The following DLGAP1 variants were observed in gnomAD, a reference collection of about 807,000 sequenced individuals.
DLGAP1 encodes DLG associated protein 1.
In DLGAP1, 11 loss-of-function variants were observed where a neutral mutation model predicts 90.8. The observed-to-expected ratio is 0.12, with a 90% CI of 0.08 to 0.20. DLGAP1 has a LOEUF of 0.20. Among genes scored for constraint, DLGAP1 ranks in the 10% least tolerant of loss-of-function variants. DLGAP1 has a pLI of 1.00. For synonymous variants in DLGAP1, 558 were observed against 540.7 expected (o/e 1.03, Z -0.44); for missense variants, 1,050 against 1,333.8 (o/e 0.79, Z 3.31).
At chr18:4,360,649 A>T (rs1182777541) in intron 1 of DLGAP1, among the ~76,000 whole-genome samples, 1 of 152,186 alleles carries the variant, frequency 6.6e-6, no homozygotes, top group Non-Finnish European at 1.5e-5. Context: ...AGTGAAAAGG[A>T]ACAGAGAATG....
intron 4 of DLGAP1, among the ~76,000 whole-genome samples, chr18:3,860,856 A>G (rs1267444054): frequency 6.6e-6 from 1 of 152,226 alleles, no homozygotes; most frequent in Non-Finnish European, 1.5e-5. Flanking sequence ...CTCTCCCGTT[A>G]TACTCCCATA....
At chr18:3,505,957 C>G (rs1363537039) in intron 11 of DLGAP1, among the ~76,000 whole-genome samples, 1 of 152,130 alleles carries the variant, frequency 6.6e-6, no homozygotes, top group Non-Finnish European at 1.5e-5. Flanking sequence ...AATTTTTGGG[C>G]CAGGTGCGGT....
chr18:4,149,184 A>G (rs2076632862), intron 2 of DLGAP1, among the ~76,000 whole-genome samples: 1 of 152,190 alleles, frequency 6.6e-6, no homozygotes, highest in African/African-American at 2.4e-5. Context: ...CTATTCCAAC[A>G]TGTTGGTCAT....
chr18:4,210,885 C>T (rs1014765125), intron 1 of DLGAP1, among the ~76,000 whole-genome samples: 4 of 152,036 alleles, frequency 2.6e-5, no homozygotes, highest in Non-Finnish European at 5.9e-5. Context: ...AAGCTGAAGC[C>T]CAGGAGAGGT....
At chr18:4,174,690 G>T (rs2077077860) in intron 1 of DLGAP1, among the ~76,000 whole-genome samples, 1 of 152,052 alleles carries the variant, frequency 6.6e-6, no homozygotes, top group African/African-American at 2.4e-5. Flanking sequence ...AGAACATGCT[G>T]GTTTGTTACA....
intron 7 of DLGAP1, among the ~76,000 whole-genome samples, chr18:3,724,295 C>T (rs1229941843): frequency 6.6e-6 from 1 of 152,132 alleles, no homozygotes; most frequent in African/African-American, 2.4e-5. Context: ...AATCACACCA[C>T]TGCACTGCAG....
chr18:3,665,091 G>T (rs1306578102), intron 7 of DLGAP1, among the ~76,000 whole-genome samples: 1 of 152,114 alleles, frequency 6.6e-6, no homozygotes, highest in African/African-American at 2.4e-5. Context: ...TGGGTGTGTG[G>T]GCGCAGGAAT....
intron 2 of DLGAP1, among the ~76,000 whole-genome samples, chr18:4,088,129 A>G (rs1056735548): frequency 2.2e-5 from 3 of 136,918 alleles, no homozygotes; most frequent in Non-Finnish European, 3.2e-5. Context: ...ATTTTAAATT[A>G]AATTAAATTT....
intron 1 of DLGAP1, among the ~76,000 whole-genome samples, chr18:4,399,989 TA>T (rs903217788): frequency 6.6e-6 from 1 of 151,576 alleles, no homozygotes; most frequent in African/African-American, 2.4e-5. Context: ...AAGCCCTAAA[TA>T]AAAAAAAGTA....
chr18:3,683,841 T>A (rs2060606396), intron 7 of DLGAP1, among the ~76,000 whole-genome samples: 1 of 152,192 alleles, frequency 6.6e-6, no homozygotes, highest in African/African-American at 2.4e-5. Context: ...GATCTCTTAC[T>A]AGAGGTATGT....
chr18:4,333,767 C>G (rs1198186358), intron 1 of DLGAP1, among the ~76,000 whole-genome samples: 1 of 151,050 alleles, frequency 6.6e-6, no homozygotes, highest in Non-Finnish European at 1.5e-5. Flanking sequence ...CTACAGGCGC[C>G]CACCACCACG....
rs141201074 is a variant in DLGAP1, at chr18:3,909,320, T to C, written c.-72-29180A>G. Among the ~76,000 whole-genome samples the C allele has an allele frequency of 3.1e-3, 466 of 152,224 alleles. 3 individuals are homozygous for C. Among genetic ancestry groups the C allele is most frequent in the African/African-American group, 0.01 (434 of 41,536 alleles). The stretch of plus-strand genomic sequence containing the variant: ...AAGTTCCCTTATTCAAGACTCAAGA[T>C]CCCAAAAACAAAGTGGTTAAAGTTA... On this transcript the variant is annotated intron_variant, in intron 3 of 12. Coordinates refer to ENST00000315677, the MANE Select transcript of DLGAP1 (RefSeq NM_004746.4).
At chr18:3,774,308 A>G (rs2064838387) in intron 5 of DLGAP1, 1 of 152,330 alleles carries the variant, frequency 6.6e-6, no homozygotes, top group South Asian at 2.1e-4. Context: ...TGTAATGGTC[A>G]GTGACGGCAG....
intron 7 of DLGAP1, among the ~76,000 whole-genome samples, chr18:3,639,755 CTT>C (rs58862252): frequency 1.3e-4 from 15 of 118,304 alleles, no homozygotes; most frequent in South Asian, 2.6e-4. Flanking sequence ...GCAGAGTTGC[CTT>C]TTTTTTTTTT....
At chr18:3,935,014 T>C (rs1568307878) in intron 3 of DLGAP1, among the ~76,000 whole-genome samples, 1 of 152,234 alleles carries the variant, frequency 6.6e-6, no homozygotes, top group South Asian at 2.1e-4. Flanking sequence ...TTTTAAATCT[T>C]TGGAACTGGA....
intron 1 of DLGAP1, among the ~76,000 whole-genome samples, chr18:4,453,447 A>G (rs2083884435): frequency 6.6e-6 from 1 of 152,224 alleles, no homozygotes; most frequent in South Asian, 2.1e-4. Context: ...TTATTCAAGG[A>G]ATAAAAAGTA....
At chr18:4,020,547 G>T (rs933121726) in intron 2 of DLGAP1, among the ~76,000 whole-genome samples, 1 of 152,140 alleles carries the variant, frequency 6.6e-6, no homozygotes, top group Non-Finnish European at 1.5e-5. Flanking sequence ...GGTGGAGCCT[G>T]TGAAACTGCC....
intron 3 of DLGAP1, among the ~76,000 whole-genome samples, chr18:4,003,072 C>G (rs1654550543): frequency 6.6e-6 from 1 of 152,166 alleles, no homozygotes; most frequent in Non-Finnish European, 1.5e-5. Flanking sequence ...CCCTAAGAAG[C>G]TTTGAGCCCT....
intron 1 of DLGAP1, among the ~76,000 whole-genome samples, chr18:4,443,825 G>C (rs2083595157): frequency 6.6e-6 from 1 of 152,170 alleles, no homozygotes; most frequent in Non-Finnish European, 1.5e-5. Flanking sequence ...TTTTATTCTA[G>C]GTTTTAAACC....
Sources: allele counts gnomAD v4.1 joint callset (sites outside exome capture counted in the v4.1 genomes callset), GRCh38; gene constraint gnomAD v4.1.1; transcripts MANE v1.5; gene names NCBI Gene and HGNC (gene_info 2026-07-23, HGNC 2026-07-21).